CHN2: variants seen among roughly 807,000 people sequenced by gnomAD.
The protein encoded by CHN2 is chimerin 2.
In CHN2, 35 loss-of-function variants were observed where a neutral mutation model predicts 56.3. The observed-to-expected ratio is 0.62, with a 90% CI of 0.47 to 0.82. CHN2 has a LOEUF of 0.82. Ranked by LOEUF, CHN2 falls within the 40% of genes least tolerant of loss-of-function variation. The pLI is 0.00. For missense variants in CHN2, 491 were observed against 580.5 expected (o/e 0.85, Z 1.58); for synonymous variants, 210 against 212.8 (o/e 0.99, Z 0.12).
At chr7:29,333,798 G>A (rs890984890) in intron 1 of CHN2, among the ~76,000 whole-genome samples, 1 of 152,156 alleles carries the variant, frequency 6.6e-6, no homozygotes, top group African/African-American at 2.4e-5. Context: ...GCCGGAAGCA[G>A]TATCTTTCAT....
chr7:29,302,147 A>G (rs572376673), intron 1 of CHN2, among the ~76,000 whole-genome samples: 4 of 152,346 alleles, frequency 2.6e-5, no homozygotes, highest in African/African-American at 9.6e-5. Flanking sequence ...CTAGAGCTAC[A>G]GTTTAGCGAG....
intron 6 of CHN2, among the ~76,000 whole-genome samples, chr7:29,409,450 G>T (rs1189190716): frequency 6.6e-6 from 1 of 152,160 alleles, no homozygotes. Flanking sequence ...AAAGTGATGA[G>T]AATATTGGCA....
chr7:29,453,074 G>C (rs1401392304), intron 6 of CHN2, among the ~76,000 whole-genome samples: 1 of 152,196 alleles, frequency 6.6e-6, no homozygotes, highest in Non-Finnish European at 1.5e-5. Context: ...TTTTTGGGGG[G>C]AATTGTTTTG....
At chr7:29,301,299 C>T (rs548226318) in intron 1 of CHN2, among the ~76,000 whole-genome samples, 1 of 151,388 alleles carries the variant, frequency 6.6e-6, no homozygotes, top group East Asian at 1.9e-4. Context: ...TTAAAAATTA[C>T]TCTTTGCCAC....
At chr7:29,215,477 T>G (rs1056823079) in intron 1 of CHN2, among the ~76,000 whole-genome samples, 1 of 152,182 alleles carries the variant, frequency 6.6e-6, no homozygotes, top group Admixed American at 6.5e-5. Flanking sequence ...AGAACTGTAG[T>G]TGTAACTCCT....
At chr7:29,506,132 A>C (rs1790536260) in intron 10 of CHN2, among the ~76,000 whole-genome samples, 1 of 152,186 alleles carries the variant, frequency 6.6e-6, no homozygotes, top group Non-Finnish European at 1.5e-5. Flanking sequence ...CTAAAAGTCA[A>C]AAAATGTCTT....
At chr7:29,146,619 G>A (rs1290729134) in exon 1 of CHN2, 1 of 1,550,374 alleles carries the variant, frequency 6.5e-7, no homozygotes, top group African/African-American at 1.4e-5. Context: ...GTGCGTCGTC[G>A]TGTCCCAACC....
Position 29,421,039 on chromosome 7 carries a change from C to T in CHN2, c.576+20211C>T, listed in dbSNP as rs570649049. 8.2e-3 allele frequency among the ~76,000 whole-genome samples: 1,255 copies of T among 152,208 alleles called. 10 individuals carry two copies. Among genetic ancestry groups the T allele is most frequent in the Non-Finnish European group, 0.013 (894 of 68,018 alleles). ...TGATCTTGAGCTCAGGTGATCCACC[C>T]GGCTCAGCCTTCCAAAGTGCTAGGA... On this transcript the variant is annotated intron_variant, in intron 6 of 12. Transcript: ENST00000222792.
At chr7:29,294,157 C>A (rs1045858700) in intron 1 of CHN2, among the ~76,000 whole-genome samples, 1 of 152,098 alleles carries the variant, frequency 6.6e-6, no homozygotes, top group Non-Finnish European at 1.5e-5. Flanking sequence ...TGAGCCACGG[C>A]GCCCGGCCTG....
intron 2 of CHN2, among the ~76,000 whole-genome samples, chr7:29,363,975 C>T (rs1461906949): frequency 6.6e-6 from 1 of 151,946 alleles, no homozygotes; most frequent in Admixed American, 6.6e-5. Flanking sequence ...AGTTTGATTC[C>T]AGCCTGGGCA....
chr7:29,489,441 T>C (rs879807041), intron 7 of CHN2, among the ~76,000 whole-genome samples: 3 of 152,246 alleles, frequency 2.0e-5, no homozygotes, highest in Non-Finnish European at 4.4e-5. Flanking sequence ...CAGTGAATTT[T>C]AAGATACGGT....
Position 29,212,503 on chromosome 7 carries a change from T to G in CHN2, c.49+17513T>G, listed in dbSNP as rs1785030306. On this transcript the variant is annotated intron_variant, in intron 1 of 12. Transcript: ENST00000222792. ...TGCTTATTCAGGACAGCCCTGATTC[T>G]TCCACCAGTCCCAAAGGCAAACAAC... 20 of 1,573,628 alleles carry G rather than the reference T, an allele frequency of 1.3e-5. No individual in the cohort carries two copies. In the Admixed American group the frequency reaches 3.2e-4, roughly 25 times the overall value.
At chr7:29,354,825 A>G (rs1025600105) in intron 2 of CHN2, among the ~76,000 whole-genome samples, 162 bp downstream of exon 2, 2 of 152,076 alleles carry the variant, frequency 1.3e-5, no homozygotes, top group African/African-American at 4.8e-5. Flanking sequence ...GAGACGATTA[A>G]CAGAGCCCCC....
chr7:29,171,201 A>C (rs1796562536), intron 2 of CHN2, among the ~76,000 whole-genome samples: 1 of 152,110 alleles, frequency 6.6e-6, no homozygotes, highest in South Asian at 2.1e-4. Context: ...CTGCTCTTTC[A>C]CATGAAGGAA....
intron 6 of CHN2, among the ~76,000 whole-genome samples, chr7:29,477,820 GCAC>G (rs1786725796): frequency 6.6e-6 from 1 of 152,048 alleles, no homozygotes; most frequent in Non-Finnish European, 1.5e-5. Context: ...TGGAGACCCC[GCAC>G]CATGCAGTCC....
At chr7:29,249,506 C>G (rs187302862) in intron 1 of CHN2, among the ~76,000 whole-genome samples, 131 of 152,350 alleles carry the variant, frequency 8.6e-4, no homozygotes, top group African/African-American at 3.0e-3. Context: ...TCTAGAAACA[C>G]CTTCACAGAC....
intron 1 of CHN2, among the ~76,000 whole-genome samples, chr7:29,231,316 G>T (rs953266762): frequency 6.6e-6 from 1 of 152,180 alleles, no homozygotes; most frequent in African/African-American, 2.4e-5. Flanking sequence ...AACTGGGAGA[G>T]TGCGGTGAAA....
chr7:29,203,991 C>T (rs1296420808), intron 1 of CHN2, among the ~76,000 whole-genome samples: 4 of 151,884 alleles, frequency 2.6e-5, no homozygotes, highest in South Asian at 4.2e-4. Context: ...TATACGCCTC[C>T]TTCCAAAGAA....
chr7:29,462,446 T>C (rs775092441), intron 6 of CHN2, among the ~76,000 whole-genome samples: 1 of 152,212 alleles, frequency 6.6e-6, no homozygotes, highest in Non-Finnish European at 1.5e-5. Flanking sequence ...AGGCTTCATC[T>C]GAGAAGACTC....
Sources: allele counts gnomAD v4.1 joint callset (sites outside exome capture counted in the v4.1 genomes callset), GRCh38; gene constraint gnomAD v4.1.1; transcripts MANE v1.5; gene names NCBI Gene and HGNC (gene_info 2026-07-23, HGNC 2026-07-21).